ANKRD30BL: variants seen among roughly 807,000 people sequenced by gnomAD.
ANKRD30BL encodes the protein ankyrin repeat domain 30B like.
A neutral mutation model predicts 18.4 loss-of-function variants in ANKRD30BL; 20 were observed. That is an observed-to-expected ratio of 1.09 (90% confidence interval 0.77 to 1.58). ANKRD30BL has a LOEUF of 1.58. Among genes scored for constraint, ANKRD30BL ranks in the 40% most tolerant of loss-of-function variants. ANKRD30BL has a pLI of 0.00. For missense variants in ANKRD30BL, 224 were observed against 268.6 expected (o/e 0.83, Z 1.16); for synonymous variants, 72 against 100.9 (o/e 0.71, Z 1.72).
chr2:132,222,829 C>T (rs1463235689), intron 1 of ANKRD30BL, among the ~76,000 whole-genome samples: 1 of 4,102 alleles, frequency 2.4e-4, no homozygotes, highest in African/African-American at 4.4e-4. Context: ...CAAGAATGAT[C>T]AATAAAAAAA....
intron 1 of ANKRD30BL, among the ~76,000 whole-genome samples, chr2:132,176,890 CATAG>C: frequency 6.6e-6 from 1 of 152,310 alleles, no homozygotes; most frequent in East Asian, 1.9e-4. Flanking sequence ...TAAGATTCCA[CATAG>C]ATATTGTAGA....
chr2:132,166,159 C>T (rs1357485167), upstream of ANKRD30BL, among the ~76,000 whole-genome samples: 1 of 152,178 alleles, frequency 6.6e-6, no homozygotes, highest in East Asian at 1.9e-4. Flanking sequence ...TGCATACTTT[C>T]TTACCTAAAA....
intron 1 of ANKRD30BL, among the ~76,000 whole-genome samples, chr2:132,194,713 A>G (rs1678929615): frequency 6.6e-6 from 1 of 152,094 alleles, no homozygotes; most frequent in South Asian, 2.1e-4. Context: ...ATTTAATTCC[A>G]TGGTGGTGTT....
At chr2:132,187,917 C>G (rs1365370329) in intron 1 of ANKRD30BL, among the ~76,000 whole-genome samples, 2 of 152,172 alleles carry the variant, frequency 1.3e-5, no homozygotes, top group East Asian at 1.9e-4. Context: ...TGCCACCATG[C>G]CCAGCTAATT....
chr2:132,255,499 C>T (rs74980416), intron 1 of ANKRD30BL, among the ~76,000 whole-genome samples: 2 of 151,978 alleles, frequency 1.3e-5, no homozygotes, highest in African/African-American at 2.4e-5. Flanking sequence ...CTAGCCCACC[C>T]GCTCCCAAGA....
intron 1 of ANKRD30BL, chr2:132,253,181 A>T: frequency 4.5e-6 from 1 of 221,782 alleles, no homozygotes; most frequent in South Asian, 5.0e-5. Flanking sequence ...TAGCCCTGGG[A>T]GGAACCCGGG....
chr2:132,198,320 CTTT>C lies in ANKRD30BL; in HGVS notation n.442-41177_442-41175del, dbSNP rs1679014740. Among the ~76,000 whole-genome samples the C allele has an allele frequency of 1.1e-3, 12 of 10,592 alleles. 1 individual carries two copies. The South Asian group carries it at 0.015, about 13-fold the overall frequency. 6.9% of individuals were successfully genotyped at this position (10,592 alleles called of 152,430 possible). On this transcript the variant is annotated intron_variant and non_coding_transcript_variant, in intron 1 of 4. Transcript: ENST00000470729. ...TCTTTCTTTCTTTCTTTCTTTCTTT[CTTT>C]CTTTTTTTTTTTTTTTTTTAGACAG...
intron 1 of ANKRD30BL, among the ~76,000 whole-genome samples, chr2:132,174,174 G>A (rs1688326410): frequency 6.6e-6 from 1 of 152,172 alleles, no homozygotes; most frequent in South Asian, 2.1e-4. Flanking sequence ...GAAACACCCA[G>A]TTATGTCCTT....
intron 1 of ANKRD30BL, among the ~76,000 whole-genome samples, chr2:132,222,136 C>G (rs576083425): frequency 2.0e-5 from 3 of 147,682 alleles, no homozygotes; most frequent in Non-Finnish European, 4.5e-5. Context: ...AGGTGAGGGG[C>G]GCCTCTGCCC....
chr2:132,236,658 C>T (rs1342324192), intron 1 of ANKRD30BL, among the ~76,000 whole-genome samples: 1 of 152,090 alleles, frequency 6.6e-6, no homozygotes. Flanking sequence ...GAAATAGGAA[C>T]CCTTTTACAC....
chr2:132,254,363 G>A (rs1680761253), intron 1 of ANKRD30BL, among the ~76,000 whole-genome samples: 1 of 152,196 alleles, frequency 6.6e-6, no homozygotes, highest in Admixed American at 6.5e-5. Context: ...TCCCTCCGCA[G>A]GTTCACCTAC....
chr2:132,247,475 T>C lies in ANKRD30BL; in HGVS notation n.441+10054A>G, dbSNP rs556973859. Among the ~76,000 whole-genome samples the C allele has an allele frequency of 4.7e-3, 718 of 151,862 alleles. 16 individuals carry two copies. In the East Asian group the frequency reaches 0.064, roughly 14 times the overall value. ...TTCAGAAATATCCTTTTGCAGGTTC[T>C]ACAAAAGGATTGTTTCCAAACAGCT... On this transcript the variant is annotated intron_variant and non_coding_transcript_variant, in intron 1 of 4. Transcript: ENST00000470729.
intron 1 of ANKRD30BL, among the ~76,000 whole-genome samples, chr2:132,183,066 A>G (rs4482544): frequency 0.46 from 69,042 of 151,370 alleles, 16,114 homozygotes; most frequent in East Asian, 0.55. Flanking sequence ...TGTTTAGAAA[A>G]ACATCTTTGA....
chr2:132,222,759 C>G (rs1243548964), intron 1 of ANKRD30BL, among the ~76,000 whole-genome samples: 2 of 139,200 alleles, frequency 1.4e-5, no homozygotes, highest in Non-Finnish European at 3.1e-5. Flanking sequence ...TGTTTATCTG[C>G]TGACCTTCCC....
chr2:132,168,738 GAC>G (rs1178642010), intron 1 of ANKRD30BL, among the ~76,000 whole-genome samples: 1 of 151,960 alleles, frequency 6.6e-6, no homozygotes, highest in East Asian at 1.9e-4. Flanking sequence ...AGCACACATA[GAC>G]ACACACAGAG....
chr2:132,172,109 TATTC>T (rs1170224764), intron 1 of ANKRD30BL, among the ~76,000 whole-genome samples: 20 of 152,374 alleles, frequency 1.3e-4, no homozygotes, highest in African/African-American at 4.8e-4. Flanking sequence ...GTATTTTGTT[TATTC>T]ATTCATTTAT....
chr2:132,235,591 G>A (rs1212365547), intron 1 of ANKRD30BL, among the ~76,000 whole-genome samples: 1 of 152,032 alleles, frequency 6.6e-6, no homozygotes, highest in East Asian at 1.9e-4. Context: ...ATTCACAATT[G>A]CTTCAAAGAG....
chr2:132,151,137 A>G (rs1223950368), intron 4 of ANKRD30BL, among the ~76,000 whole-genome samples, 161 bp from the exon 5 acceptor site: 1 of 152,208 alleles, frequency 6.6e-6, no homozygotes, highest in African/African-American at 2.4e-5. Flanking sequence ...CTATGAACTT[A>G]TTAAGCTTCT....
chr2:132,227,606 A>G (rs575771410), intron 1 of ANKRD30BL, among the ~76,000 whole-genome samples: 50 of 152,096 alleles, frequency 3.3e-4, no homozygotes, highest in African/African-American at 1.2e-3. Flanking sequence ...TGTACATTCA[A>G]CTCACAGAGT....
Sources: allele counts gnomAD v4.1 joint callset (sites outside exome capture counted in the v4.1 genomes callset), GRCh38; gene constraint gnomAD v4.1.1; transcripts MANE v1.5; gene names NCBI Gene and HGNC (gene_info 2026-07-23, HGNC 2026-07-21).